The following PIK3C2G variants were observed in gnomAD, a reference collection of about 807,000 sequenced individuals.
The protein encoded by PIK3C2G is phosphatidylinositol 3-kinase C2 domain-containing subunit gamma.
PIK3C2G carries 168 observed loss-of-function variants against 181.1 expected under a neutral mutation model. That is an observed-to-expected ratio of 0.93 (90% CI 0.82 to 1.05). PIK3C2G has a LOEUF of 1.05. PIK3C2G is among the 50% of genes least tolerant of loss of function. PIK3C2G has a pLI of 0.00. For missense variants in PIK3C2G, 1,869 were observed against 1,732.8 expected (o/e 1.08, Z -1.40); for synonymous variants, 573 against 592.2 (o/e 0.97, Z 0.47).
At chr12:18,532,883 G>GT (rs139779917) in intron 24 of PIK3C2G, among the ~76,000 whole-genome samples, 2,279 of 124,924 alleles carry the variant, frequency 0.018, 51 homozygotes, top group African/African-American at 0.055. Flanking sequence ...AAAGTTTGCT[G>GT]TTTTTTTTTT....
intron 13 of PIK3C2G, among the ~76,000 whole-genome samples, chr12:18,380,518 AC>A (rs1422717972): frequency 6.6e-6 from 1 of 152,188 alleles, no homozygotes; most frequent in African/African-American, 2.4e-5. Context: ...GGGGAAAATT[AC>A]AATAAAAATT....
chr12:18,518,487 A>G (rs1942697861), intron 24 of PIK3C2G, among the ~76,000 whole-genome samples: 1 of 152,020 alleles, frequency 6.6e-6, no homozygotes, highest in Non-Finnish European at 1.5e-5. Flanking sequence ...CCAGGAATTT[A>G]TGTGTTTCTT....
chr12:18,488,880 C>T (rs1028616041), intron 19 of PIK3C2G, among the ~76,000 whole-genome samples: 1 of 151,948 alleles, frequency 6.6e-6, no homozygotes, highest in Non-Finnish European at 1.5e-5. Context: ...AAAAGACCAA[C>T]GTATAGGCAG....
rs1940692128 is a variant in PIK3C2G at position 18,492,813 on chromosome 12, C to G, written c.2793+1255C>G. Among the ~76,000 whole-genome samples, 5 of 152,226 alleles carry G rather than the reference C, an allele frequency of 3.3e-5. No individual in the cohort carries two copies. The South Asian group carries it at 1.0e-3, about 32-fold the overall frequency. ...GCATGTGCAGGTGCACCGGCTGGGC[C>G]AGGGGTCAGCTGCCCAGGAGTCACC... On this transcript the variant is annotated intron_variant, in intron 20 of 32. Coordinates refer to ENST00000538779, the MANE Select transcript of PIK3C2G (RefSeq NM_001288772.2).
intron 1 of PIK3C2G, among the ~76,000 whole-genome samples, chr12:18,264,630 T>C (rs542665650): frequency 6.6e-6 from 1 of 152,258 alleles, no homozygotes; most frequent in African/African-American, 2.4e-5. Flanking sequence ...TTTCTTGGTA[T>C]TGTGCATCTT....
At chr12:18,501,727 C>T (rs1403265185) in intron 22 of PIK3C2G, among the ~76,000 whole-genome samples, 1 of 152,108 alleles carries the variant, frequency 6.6e-6, no homozygotes, top group Admixed American at 6.5e-5. Flanking sequence ...AAATTAGATA[C>T]AAGGTTTTCT....
intron 5 of PIK3C2G, among the ~76,000 whole-genome samples, chr12:18,308,278 T>C (rs546267261): frequency 6.5e-4 from 98 of 151,822 alleles, no homozygotes; most frequent in Non-Finnish European, 1.2e-3. Context: ...TACTACAATA[T>C]TATATTATGA....
chr12:18,683,231 A>G, the PIK3C2G span: 2 of 1,610,800 alleles, frequency 1.2e-6, no homozygotes, highest in African/African-American at 1.3e-5. Context: ...GTCATTTATC[A>G]TTAGCTGTTA....
intron 12 of PIK3C2G, among the ~76,000 whole-genome samples, chr12:18,369,690 G>A (rs553083372): frequency 1.1e-4 from 10 of 87,614 alleles, no homozygotes; most frequent in South Asian, 4.4e-4. Flanking sequence ...TATAACGGTC[G>A]TATAATTGAC....
intron 5 of PIK3C2G, 109 bp downstream of exon 5, chr12:18,294,124 T>C (rs149326014): frequency 5.1e-6 from 3 of 587,834 alleles, no homozygotes; most frequent in East Asian, 5.9e-5. Flanking sequence ...TAGTCTTATA[T>C]AATTAAATCA....
chr12:18,353,619 C>G (rs1270455638), intron 11 of PIK3C2G, among the ~76,000 whole-genome samples: 2 of 152,138 alleles, frequency 1.3e-5, no homozygotes, highest in African/African-American at 2.4e-5. Flanking sequence ...TTGTGTCCCC[C>G]CATCTCTACT....
the PIK3C2G span, chr12:18,694,864 T>C: frequency 7.0e-7 from 1 of 1,424,718 alleles, no homozygotes; most frequent in Non-Finnish European, 9.7e-7. Context: ...CACTATCTAG[T>C]TTATATAATA....
chr12:18,294,105 C>T (rs1046771328), intron 5 of PIK3C2G, 90 bp downstream of exon 5: 2 of 651,170 alleles, frequency 3.1e-6, no homozygotes, highest in Admixed American at 5.8e-5. Context: ...AGACTTTACA[C>T]AAACATTATA....
chr12:18,247,531 G>A (rs1948052663), upstream of PIK3C2G: 2 of 152,344 alleles, frequency 1.3e-5, no homozygotes, highest in East Asian at 1.9e-4. Flanking sequence ...CCAATGCATA[G>A]GATTTTATGG....
chr12:18,500,469 G>T (rs990190817), intron 22 of PIK3C2G, among the ~76,000 whole-genome samples: 6 of 152,178 alleles, frequency 3.9e-5, no homozygotes, highest in Non-Finnish European at 8.8e-5. Flanking sequence ...TCCCCTACGA[G>T]CGCGGCCCCC....
intron 15 of PIK3C2G, among the ~76,000 whole-genome samples, chr12:18,393,359 A>G (rs1366584101): frequency 1.3e-5 from 2 of 152,016 alleles, no homozygotes; most frequent in African/African-American, 4.8e-5. Context: ...AATGTGGTGA[A>G]ACTTGTGTTA....
intron 10 of PIK3C2G, among the ~76,000 whole-genome samples, chr12:18,344,207 T>C (rs1299861928): frequency 6.6e-6 from 1 of 152,112 alleles, no homozygotes; most frequent in Admixed American, 6.6e-5. Flanking sequence ...AACTAACCCC[T>C]GGATTCAGAA....
intron 16 of PIK3C2G, among the ~76,000 whole-genome samples, chr12:18,408,643 A>T (rs1366210522): frequency 2.0e-5 from 3 of 152,134 alleles, no homozygotes; most frequent in Non-Finnish European, 4.4e-5. Context: ...ATGGGAGAAA[A>T]TTTTTGTAAT....
the PIK3C2G span, among the ~76,000 whole-genome samples, chr12:18,722,202 T>A: frequency 0.019 from 572 of 29,428 alleles, 4 homozygotes; most frequent in African/African-American, 0.048. Context: ...CCAGGTCATT[T>A]ACTCTCCATC....
Sources: allele counts gnomAD v4.1 joint callset (sites outside exome capture counted in the v4.1 genomes callset), GRCh38; gene constraint gnomAD v4.1.1; transcripts MANE v1.5; gene names NCBI Gene and HGNC (gene_info 2026-07-23, HGNC 2026-07-21).